The following SLC39A11 variants were observed in gnomAD, a reference collection of about 807,000 sequenced individuals.
SLC39A11 encodes the protein zinc transporter ZIP11.
SLC39A11 carries 33 observed loss-of-function variants against 36.1 expected under a neutral mutation model. That is an observed-to-expected ratio of 0.91 (90% CI 0.69 to 1.22). The LOEUF (loss-of-function observed/expected upper bound fraction) is 1.22. Ranked by LOEUF, SLC39A11 falls within the 50% of genes most tolerant of loss-of-function variation. SLC39A11 has a pLI of 0.00. For synonymous variants in SLC39A11, 166 were observed against 170.3 expected (o/e 0.97, Z 0.20); for missense variants, 432 against 430.3 (o/e 1.00, Z -0.03).
At chr17:73,070,599 G>A (rs1034810136) in intron 3 of SLC39A11, among the ~76,000 whole-genome samples, 7 of 152,174 alleles carry the variant, frequency 4.6e-5, no homozygotes, top group African/African-American at 1.4e-4. Context: ...GCACATCACA[G>A]TCACCTGGTG....
chr17:73,009,354 CAAAAA>C (rs56818175), intron 4 of SLC39A11, among the ~76,000 whole-genome samples: 5 of 92,572 alleles, frequency 5.4e-5, no homozygotes, highest in Non-Finnish European at 9.0e-5. Flanking sequence ...GACTCCATCT[CAAAAA>C]AAAAAAAAAA....
At chr17:72,902,610 A>G (rs1389822229) in intron 5 of SLC39A11, among the ~76,000 whole-genome samples, 4 of 152,250 alleles carry the variant, frequency 2.6e-5, no homozygotes. Flanking sequence ...AAATGAATAA[A>G]CAAATCAACA....
At chr17:72,748,059 C>T (rs1156653028) in intron 6 of SLC39A11, among the ~76,000 whole-genome samples, 2 of 152,190 alleles carry the variant, frequency 1.3e-5, no homozygotes, top group Non-Finnish European at 2.9e-5. Flanking sequence ...CAGTGGCTCA[C>T]GCCTGTAATC....
At chr17:72,684,468 G>C (rs557763951) in intron 7 of SLC39A11, among the ~76,000 whole-genome samples, 1 of 152,164 alleles carries the variant, frequency 6.6e-6, no homozygotes, top group East Asian at 1.9e-4. Flanking sequence ...CCCAGGTTTG[G>C]GCAGGCGTGC....
chr17:72,688,114 C>T (rs1172322165), intron 7 of SLC39A11, among the ~76,000 whole-genome samples: 2 of 152,208 alleles, frequency 1.3e-5, no homozygotes, highest in African/African-American at 4.8e-5. Flanking sequence ...CTACGAACTT[C>T]AGGGAAGACA....
chr17:72,859,352 T>TA (rs11389740), intron 5 of SLC39A11, among the ~76,000 whole-genome samples: 80,832 of 152,044 alleles, frequency 0.53, 23,395 homozygotes, highest in African/African-American at 0.77. Flanking sequence ...AGTGTAAGTA[T>TA]TCCCACATAT....
chr17:72,671,030 G>T (rs1159973612), intron 7 of SLC39A11, among the ~76,000 whole-genome samples: 3 of 152,190 alleles, frequency 2.0e-5, no homozygotes, highest in African/African-American at 4.8e-5. Flanking sequence ...ACAAACTGAA[G>T]CCAGGAAAGC....
At chr17:72,710,379 G>A (rs970845185) in intron 7 of SLC39A11, among the ~76,000 whole-genome samples, 1 of 152,242 alleles carries the variant, frequency 6.6e-6, no homozygotes, top group Non-Finnish European at 1.5e-5. Context: ...AAGACCCAGT[G>A]CAGTAGTATT....
At chr17:73,012,752 T>C (rs1012755162) in intron 4 of SLC39A11, among the ~76,000 whole-genome samples, 2 of 152,066 alleles carry the variant, frequency 1.3e-5, no homozygotes, top group African/African-American at 4.8e-5. Context: ...TGACCATGTG[T>C]ACCCAATGTT....
At chr17:73,017,347 A>T (rs1190971614) in intron 4 of SLC39A11, among the ~76,000 whole-genome samples, 1 of 152,196 alleles carries the variant, frequency 6.6e-6, no homozygotes, top group Non-Finnish European at 1.5e-5. Context: ...GTTCACCTGA[A>T]CACTGGGGGC....
At chr17:72,934,286 G>A (rs1298007042) in intron 5 of SLC39A11, among the ~76,000 whole-genome samples, 1 of 152,198 alleles carries the variant, frequency 6.6e-6, no homozygotes, top group African/African-American at 2.4e-5. Context: ...GCACTGTTAA[G>A]AAGAGGGAAA....
rs140831776 is a variant in SLC39A11 at position 72,774,705 on chromosome 17, C to T, written c.602-37986G>A. On this transcript the variant is annotated intron_variant, in intron 6 of 9. Coordinates refer to ENST00000255559, the MANE Select transcript of SLC39A11 (RefSeq NM_139177.4). Reference sequence around the variant, plus strand: ...CCAATCTACTGCTGACAAATGGGCCCCATTTGCTATTCAAAAAATTAAAAA... The same window carrying T: ...CCAATCTACTGCTGACAAATGGGCCTCATTTGCTATTCAAAAAATTAAAAA... Among the ~76,000 whole-genome samples, 295 of 152,258 alleles carry T rather than the reference C, an allele frequency of 1.9e-3. 1 individual carries two copies. The highest frequency in any genetic ancestry group is 6.4e-3 in the African/African-American group (267 of 41,548).
At chr17:72,969,163 G>C (rs1381466400) in intron 4 of SLC39A11, among the ~76,000 whole-genome samples, 1 of 152,170 alleles carries the variant, frequency 6.6e-6, no homozygotes, top group African/African-American at 2.4e-5. Flanking sequence ...ATTTTCACTG[G>C]AGCTTAAACA....
chr17:72,667,188 C>G lies in SLC39A11; in HGVS notation c.672-17920G>C, dbSNP rs555663218. ...AAGGGTGTAGGTGAAGAGGCAGGAG[C>G]AAGATGCAGGAAGTTAATAGCCCTG... On this transcript the variant is annotated intron_variant, in intron 7 of 9. Transcript: ENST00000255559. Among the ~76,000 whole-genome samples the G allele has an allele frequency of 6.8e-4, 103 of 152,252 alleles. 1 individual carries two copies. Among genetic ancestry groups the G allele is most frequent in the African/African-American group, 2.3e-3 (96 of 41,554 alleles).
chr17:72,715,977 G>C (rs534923591), intron 7 of SLC39A11, among the ~76,000 whole-genome samples: 5 of 152,068 alleles, frequency 3.3e-5, no homozygotes, highest in Non-Finnish European at 7.4e-5. Flanking sequence ...GATTACAGAC[G>C]TGAGCCACCG....
intron 4 of SLC39A11, among the ~76,000 whole-genome samples, chr17:73,025,628 G>A (rs1230538919): frequency 2.0e-5 from 3 of 152,144 alleles, no homozygotes; most frequent in South Asian, 4.2e-4. Flanking sequence ...GATTCCAACT[G>A]TGTAAAAATG....
intron 6 of SLC39A11, among the ~76,000 whole-genome samples, chr17:72,825,580 G>C (rs2082275): frequency 0.083 from 12,615 of 152,192 alleles, 675 homozygotes; most frequent in African/African-American, 0.16. Context: ...CCACTGACAA[G>C]TTCCACCATG....
At chr17:72,738,136 C>T (rs1233150069) in intron 6 of SLC39A11, among the ~76,000 whole-genome samples, 2 of 152,184 alleles carry the variant, frequency 1.3e-5, no homozygotes, top group African/African-American at 2.4e-5. Flanking sequence ...TCCCGAGTAG[C>T]TGGGACTACA....
chr17:72,669,881 C>T (rs776009320), intron 7 of SLC39A11, among the ~76,000 whole-genome samples: 2 of 150,140 alleles, frequency 1.3e-5, no homozygotes, highest in Non-Finnish European at 3.0e-5. Context: ...TACATATACA[C>T]GTATAGATGT....
Sources: allele counts gnomAD v4.1 joint callset (sites outside exome capture counted in the v4.1 genomes callset), GRCh38; gene constraint gnomAD v4.1.1; transcripts MANE v1.5; gene names NCBI Gene and HGNC (gene_info 2026-07-23, HGNC 2026-07-21).